The following ALDH3B1 variants were observed in gnomAD, a reference collection of about 807,000 sequenced individuals.
The protein encoded by ALDH3B1 is aldehyde dehydrogenase family 3 member B1.
Under a neutral mutation model 46.2 loss-of-function variants are expected in ALDH3B1, and 37 were observed. That is an observed-to-expected ratio of 0.80 (90% confidence interval 0.62 to 1.05). ALDH3B1 has a LOEUF of 1.05. ALDH3B1 is among the 50% of genes least tolerant of loss of function. The probability of loss-of-function intolerance (pLI) is 0.00; values close to 1 mark genes in which losing one functional copy is unlikely to be tolerated. For synonymous variants in ALDH3B1, 283 were observed against 281.0 expected (o/e 1.01, Z -0.07); for missense variants, 603 against 665.5 (o/e 0.91, Z 1.03).
chr11:68,026,018 C>A lies in ALDH3B1; in HGVS notation c.1126C>A (p.Arg376=), dbSNP rs750894528. 13 of 1,601,200 alleles carry A rather than the reference C, an allele frequency of 8.1e-6. No homozygotes were observed. The highest frequency in any genetic ancestry group is 1.1e-5 in the South Asian group (1 of 88,484). Residue 376 remains arginine (R), a synonymous_variant, in exon 9 of 10, where the codon CGG becomes AGG. Transcript: ENST00000342456. ...AFSNSSQVVK[R]VLTQTSSGGF... ...TCCTGTTCTCTCCCAGGTGGTCAAGCGGGTGCTGACCCAGACCAGCAGCGG... is the reference window on the plus strand; with the variant it reads ...TCCTGTTCTCTCCCAGGTGGTCAAGAGGGTGCTGACCCAGACCAGCAGCGG...
chr11:68,027,702 A>G (rs1402724181), intron 9 of ALDH3B1, 47 bp from the exon 10 acceptor site: 1 of 1,536,862 alleles, frequency 6.5e-7, no homozygotes. Flanking sequence ...GTCTGTGACT[A>G]GGAGACCCCC....
At chr11:68,008,887 C>T (rs189253486), upstream of ALDH3B1, among the ~76,000 whole-genome samples, 1 of 152,338 alleles carries the variant, frequency 6.6e-6, no homozygotes, top group Non-Finnish European at 1.5e-5. Context: ...TGTCCACACC[C>T]ACAGCAGCTT....
chr11:68,022,882 T>C, intron 8 of ALDH3B1, 121 bp downstream of exon 8: 9 of 1,399,482 alleles, frequency 6.4e-6, no homozygotes, highest in Non-Finnish European at 8.7e-6. Context: ...ACCTCTTGGC[T>C]CTGTCTCTGC....
chr11:68,018,925 C>T lies in ALDH3B1; in HGVS notation c.394+32C>T, dbSNP rs74966911. ...GCTGGGCCTGCCCCTTCCGGTCACC[C>T]TTCTCCGCTCGAGGCCTCAGGGCCA... On this transcript the variant is annotated intron_variant, in intron 4 of 9. Transcript: ENST00000342456. The T allele has an allele frequency of 5.9e-3, 9,108 of 1,542,352 alleles. 397 individuals carry two copies. The African/African-American group carries it at 0.11, about 18-fold the overall frequency.
chr11:68,019,810 G>C lies in ALDH3B1; in HGVS notation c.562+14G>C, dbSNP rs368403076. ...TCTTCTTCACAGGTGAGGCCGGGAC[G>C]AGGGTCGGGACAGGCTGGGGTCGGG... On this transcript the variant is annotated intron_variant, in intron 6 of 9. Coordinates refer to ENST00000342456, the MANE Select transcript of ALDH3B1 (RefSeq NM_000694.4). 5.0e-6 allele frequency: 8 copies of C among 1,613,374 alleles called. No individual in the cohort carries two copies. The highest frequency in any genetic ancestry group is 4.0e-5 in the African/African-American group (3 of 74,930).
intron 1 of ALDH3B1, among the ~76,000 whole-genome samples, chr11:68,012,063 C>T (rs566873541): frequency 2.6e-5 from 4 of 152,326 alleles, no homozygotes; most frequent in African/African-American, 9.6e-5. Context: ...TTAGAAGGCC[C>T]ATGGTGTAGA....
intron 8 of ALDH3B1, among the ~76,000 whole-genome samples, chr11:68,023,489 G>C (rs534244477): frequency 1.2e-4 from 18 of 151,908 alleles, no homozygotes; most frequent in African/African-American, 4.3e-4. Context: ...ATTTTTAGTA[G>C]AGATGGGGTT....
chr11:68,014,621 C>G (rs962811928), intron 1 of ALDH3B1, among the ~76,000 whole-genome samples: 1 of 152,184 alleles, frequency 6.6e-6, no homozygotes, highest in Non-Finnish European at 1.5e-5. Flanking sequence ...ACCACAGCCC[C>G]GGCAGGGTGG....
At chr11:68,019,289 C>G in intron 5 of ALDH3B1, 34 bp downstream of exon 5, 2 of 1,593,916 alleles carry the variant, frequency 1.3e-6, no homozygotes, top group African/African-American at 2.7e-5. Context: ...AGAGCGGGAA[C>G]AGGCAAGGCT....
At chr11:68,024,422 T>G (rs1007786206) in intron 8 of ALDH3B1, 4 of 152,288 alleles carry the variant, frequency 2.6e-5, no homozygotes. Flanking sequence ...AGCTGTATGC[T>G]GCTCTATCAT....
chr11:68,019,202 A>G lies in ALDH3B1; in HGVS notation c.427A>G (p.Ser143Gly). The G allele has an allele frequency of 5.6e-6, 9 of 1,613,590 alleles. No homozygotes were observed. The highest frequency in any genetic ancestry group is 7.6e-6 in the Non-Finnish European group (9 of 1,179,780). ...TGTGGTGCTGAAGCCATCGGAGATTAGCAAGAACGTCGAGAAGATCCTGGC... is the reference window on the plus strand; with the variant it reads ...TGTGGTGCTGAAGCCATCGGAGATTGGCAAGAACGTCGAGAAGATCCTGGC... ...NCVVLKPSEI[S>G]KNVEKILAEV... The change falls in exon 5 of 10, where the codon AGC (serine) becomes GGC (glycine). Residue 143 changes from serine to glycine, a missense_variant. Transcript: ENST00000342456.
Position 68,019,179 on chromosome 11 carries a change from T to C in ALDH3B1, c.404T>C (p.Val135Ala). ...LVGALAAGNC[V>A]VLKPSEISKN... ...CTGCACTGCCCTGCAGGGAACTGTG[T>C]GGTGCTGAAGCCATCGGAGATTAGC... Residue 135 changes from valine to alanine, a missense_variant, in exon 5 of 10, where the codon GTG becomes GCG. Coordinates refer to ENST00000342456, the MANE Select transcript of ALDH3B1 (RefSeq NM_000694.4). 1 of 1,612,676 alleles carries C rather than the reference T, an allele frequency of 6.2e-7. No homozygotes were observed. The highest frequency in any genetic ancestry group is 1.1e-5 in the South Asian group (1 of 90,668).
Position 68,028,010 on chromosome 11 carries a change from G to C in ALDH3B1, c.*71G>C. 1 of 1,559,350 alleles carries C rather than the reference G, an allele frequency of 6.4e-7. No individual in the cohort carries two copies. Among genetic ancestry groups the C allele is most frequent in the Non-Finnish European group, 8.7e-7 (1 of 1,154,160 alleles). Reference sequence around the variant, plus strand: ...CTGCGGCTGGTGGAGACGGGGCCTGGGCTCCCGGGCCCGAGGAGGAAAAGG... The same window carrying C: ...CTGCGGCTGGTGGAGACGGGGCCTGCGCTCCCGGGCCCGAGGAGGAAAAGG... On this transcript the variant is annotated 3_prime_UTR_variant, in exon 10 of 10. Coordinates refer to ENST00000342456, the MANE Select transcript of ALDH3B1 (RefSeq NM_000694.4).
chr11:68,023,046 T>C (rs998478983), intron 8 of ALDH3B1, among the ~76,000 whole-genome samples: 1 of 152,172 alleles, frequency 6.6e-6, no homozygotes, highest in Non-Finnish European at 1.5e-5. Flanking sequence ...TTTGTCCTTC[T>C]TACACATCGG....
Position 68,021,795 on chromosome 11 carries a change from C to T in ALDH3B1, c.873C>T (p.Phe291=), listed in dbSNP as rs1321004677. 6.2e-7 allele frequency: 1 copy of T among 1,614,144 alleles called. No individual in the cohort carries two copies. Among genetic ancestry groups the T allele is most frequent in the Non-Finnish European group, 8.5e-7 (1 of 1,180,000 alleles). The change falls in exon 7 of 10, where the codon TTC becomes TTT. Residue 291 remains phenylalanine (F), a synonymous_variant. Transcript: ENST00000342456. ...NLGRIINQKQ[F]QRLRALLGCG... ...GCCGCATCATCAACCAGAAACAGTT[C>T]CAGCGGCTGCGGGCATTGCTGGGCT...
In ALDH3B1 at chr11:68,021,592, G is replaced by A. The variant is rs1271627881; in HGVS notation, c.670G>A (p.Asp224Asn). The A allele has an allele frequency of 1.2e-6, 2 of 1,613,950 alleles. No homozygotes were observed. Among genetic ancestry groups the A allele is most frequent in the Non-Finnish European group, 1.7e-6 (2 of 1,179,992 alleles). The change falls in exon 7 of 10, where the codon GAC becomes AAC. Residue 224 changes from aspartate to asparagine, a missense_variant. Coordinates refer to ENST00000342456, the MANE Select transcript of ALDH3B1 (RefSeq NM_000694.4). ...KNPCYVDDNC[D>N]PQTVANRVAW... is the part of the protein sequence containing the mutation. ...CCCTTGCTACGTGGACGACAACTGC[G>A]ACCCCCAGACCGTGGCCAACCGCGT...
At position 68,015,685 on chromosome 11, in the gene ALDH3B1, C is replaced by G. The variant is rs1248679726; in HGVS notation, c.162+226C>G. ...ACTATGTGCCAGGTACTGTTCTAGG[C>G]TCTGGGGATATAGCAGAGAATAAAA... On this transcript the variant is annotated intron_variant, in intron 2 of 9. Coordinates refer to ENST00000342456, the MANE Select transcript of ALDH3B1 (RefSeq NM_000694.4). 4.2e-6 allele frequency: 3 copies of G among 708,182 alleles called. No individual in the cohort carries two copies. The Admixed American group carries it at 6.0e-5, about 14-fold the overall frequency. 43.9% of individuals were successfully genotyped at this position (708,182 alleles called of 1,614,324 possible).
chr11:68,018,919 G>A, intron 4 of ALDH3B1, 26 bp downstream of exon 4: 1 of 1,547,166 alleles, frequency 6.5e-7, no homozygotes, highest in Non-Finnish European at 8.7e-7. Context: ...GCCCCTTCCG[G>A]TCACCCTTCT....
At chr11:68,019,576 TCCAC>T in intron 5 of ALDH3B1, 135 bp from the exon 6 acceptor site, 14 of 926,534 alleles carry the variant, frequency 1.5e-5, no homozygotes, top group Non-Finnish European at 1.6e-5. Context: ...CCACTTTGCC[TCCAC>T]CCAACCCTCC....
Sources: gnomAD v4.1 joint callset for allele counts (sites outside exome capture counted in the v4.1 genomes callset) on GRCh38, gnomAD v4.1.1 for gene constraint, MANE v1.5 for transcripts, NCBI Gene and HGNC (gene_info 2026-07-23, HGNC 2026-07-21) for gene names.